The following ACTL7B variants were observed in gnomAD, a reference collection of about 807,000 sequenced individuals.
ACTL7B encodes the protein actin-like protein 7B.
A neutral mutation model predicts 17.5 loss-of-function variants in ACTL7B; 14 were observed. The ratio of observed to expected loss-of-function variants is 0.80; its 90% CI spans 0.53 to 1.25. The LOEUF is 1.25. Among genes scored for constraint, ACTL7B ranks in the 50% most tolerant of loss-of-function variants. The pLI is 0.00. For synonymous variants in ACTL7B, 267 were observed against 252.4 expected (o/e 1.06, Z -0.55); for missense variants, 599 against 573.9 (o/e 1.04, Z -0.45).
Position 108,854,969 on chromosome 9 carries a change from G to A in ACTL7B, c.962C>T (p.Ala321Val). 6.6e-7 allele frequency: 1 copy of A among 1,517,324 alleles called. No homozygotes were observed. Among genetic ancestry groups the A allele is most frequent in the Non-Finnish European group, 8.8e-7 (1 of 1,133,280 alleles). The allele number at this position is 1,517,324 out of a possible 1,614,324, so 94.0% of individuals were successfully genotyped here. A position where few individuals can be genotyped will look rare whatever the true frequency, so the allele number is the denominator to read the frequency against. ...CGTGTCCTGGCAGCGGCCCAGGCAG[G>A]CAGCTGTGAGCTCCGGGAGGCCCGG... ...TQPGLPELTA[A>V]CLGRCQDTGF... Residue 321 changes from alanine (A) to valine (V), a missense_variant, in exon 1 of 1, where the codon GCC becomes GTC. Ala to Val is a moderately conservative substitution (Grantham distance 64). Transcript: ENST00000374667.
At position 108,854,657 on chromosome 9, in the gene ACTL7B, G is replaced by A; in HGVS notation, c.*26C>T. 5 of 1,485,786 alleles carry A rather than the reference G, an allele frequency of 3.4e-6. No homozygotes were observed. Among genetic ancestry groups the A allele is most frequent in the Non-Finnish European group, 4.5e-6 (5 of 1,116,168 alleles). The allele number at this position is 1,485,786 out of a possible 1,614,324, so 92.0% of individuals were successfully genotyped here. ...GAGGCCTGTGGCCATCTGTGCTGGA[G>A]GCCTTGTCTGTGGAAATGCCGAGGC... On this transcript the variant is annotated 3_prime_UTR_variant, in exon 1 of 1. Transcript: ENST00000374667.
chr9:108,855,691 G>C lies in ACTL7B; in HGVS notation c.240C>G (p.Gly80=), dbSNP rs1403952458. ...RPTYFISSTV[G]KRCPEAADAG... is the part of the protein sequence containing the mutation. ...CGTCGGCCGCCTCGGGGCAGCGTTT[G>C]CCCACGGTGGAGGAGATGAAGTAGG... is the stretch of plus-strand genomic sequence containing the variant. The change falls in exon 1 of 1, where the codon GGC becomes GGG. Residue 80 remains glycine, a synonymous_variant. Coordinates refer to ENST00000374667, the MANE Select transcript of ACTL7B (RefSeq NM_006686.4). 1 of 1,611,310 alleles carries C rather than the reference G, an allele frequency of 6.2e-7. No individual in the cohort carries two copies. Among genetic ancestry groups the C allele is most frequent in the African/African-American group, 1.3e-5 (1 of 74,956 alleles).
At position 108,855,665 on chromosome 9, in the gene ACTL7B, G is replaced by A. The variant is rs774235994; in HGVS notation, c.266C>T (p.Ala89Val). Reference protein sequence around the residue: ...VGKRCPEAADAGDTRKWTLVG... With the variant: ...VGKRCPEAADVGDTRKWTLVG... ...TAAAGTCCACTTGCGGGTGTCGCCA[G>A]CGTCGGCCGCCTCGGGGCAGCGTTT... The change falls in exon 1 of 1, where the codon GCT becomes GTT. Residue 89 changes from alanine (A) to valine (V), a missense_variant. By Grantham distance (64) the Ala-to-Val change is moderately conservative. Transcript: ENST00000374667. 6.2e-7 allele frequency: 1 copy of A among 1,612,908 alleles called. No homozygotes were observed. The highest frequency in any genetic ancestry group is 1.1e-5 in the South Asian group (1 of 91,080).
rs764991598 is a variant in ACTL7B at position 108,855,098 on chromosome 9, C to T, written c.833G>A (p.Arg278His). 4.4e-5 allele frequency: 71 copies of T among 1,596,478 alleles called. 2 individuals carry two copies. The highest frequency in any genetic ancestry group is 1.7e-4 in the Middle Eastern group (1 of 5,966). ...GCCGTCCGGGAGCTCGTAGTCCACGCGCAGCTCCTCCGGGACCAGGCCCAG... is the reference window on the plus strand; with the variant it reads ...GCCGTCCGGGAGCTCGTAGTCCACGTGCAGCTCCTCCGGGACCAGGCCCAG... ...EELGLVPEEL[R>H]VDYELPDGKL... Residue 278 changes from arginine to histidine, a missense_variant, in exon 1 of 1, where the codon CGC becomes CAC. Coordinates refer to ENST00000374667, the MANE Select transcript of ACTL7B (RefSeq NM_006686.4).
chr9:108,854,669 G>A lies in ACTL7B; in HGVS notation c.*14C>T, dbSNP rs373627326. On this transcript the variant is annotated 3_prime_UTR_variant, in exon 1 of 1. Transcript: ENST00000374667. ...CATCTGTGCTGGAGGCCTTGTCTGT[G>A]GAAATGCCGAGGCTCAGCACTTGCT... 2.0e-6 allele frequency: 3 copies of A among 1,490,300 alleles called. No individual in the cohort carries two copies. Among genetic ancestry groups the A allele is most frequent in the Non-Finnish European group, 2.7e-6 (3 of 1,118,414 alleles). 92.3% of individuals were successfully genotyped at this position (1,490,300 alleles called of 1,614,324 possible). A position where few individuals can be genotyped will look rare whatever the true frequency, so the allele number is the denominator to read the frequency against.
rs991038734 is a variant in ACTL7B at position 108,855,335 on chromosome 9, C to A, written c.596G>T (p.Ser199Ile). 7 of 1,608,132 alleles carry A rather than the reference C, an allele frequency of 4.4e-6. No homozygotes were observed. In the African/African-American group the frequency reaches 8.0e-5, roughly 18 times the overall value. Residue 199 changes from serine to isoleucine, a missense_variant, in exon 1 of 1, where the codon AGC becomes ATC. Transcript: ENST00000374667. ...YGKTSGLVVE[S>I]GHGVSHVVPI... ...CACCACGTGCGAGACGCCGTGCCCGCTCTCCACCACCAGCCCCGAGGTCTT... is the reference window on the plus strand; with the variant it reads ...CACCACGTGCGAGACGCCGTGCCCGATCTCCACCACCAGCCCCGAGGTCTT...
Position 108,855,649 on chromosome 9 carries a change from C to T in ACTL7B, c.282G>A (p.Lys94=). The T allele has an allele frequency of 6.2e-7, 1 of 1,613,568 alleles. No homozygotes were observed. Among genetic ancestry groups the T allele is most frequent in the Non-Finnish European group, 8.5e-7 (1 of 1,180,048 alleles). ...PEAADAGDTR[K]WTLVGHELLN... is the part of the protein sequence containing the mutation. Reference sequence around the variant, plus strand: ...GCAGCTCATGGCCCACTAAAGTCCACTTGCGGGTGTCGCCAGCGTCGGCCG... The same window carrying T: ...GCAGCTCATGGCCCACTAAAGTCCATTTGCGGGTGTCGCCAGCGTCGGCCG... The change falls in exon 1 of 1, where the codon AAG becomes AAA. Residue 94 remains lysine (K), a synonymous_variant. Coordinates refer to ENST00000374667, the MANE Select transcript of ACTL7B (RefSeq NM_006686.4).
In ACTL7B at chr9:108,855,042, G is replaced by A. The variant is rs114524484; in HGVS notation, c.889C>T (p.Arg297Cys). ...GGCTGGAAGAGCATCTCAGAGCAAC[G>A]GAAGCGCTCCTGGCCAATAGTGATG... ...KLITIGQERF[R>C]CSEMLFQPSL... The change falls in exon 1 of 1, where the codon CGT (arginine) becomes TGT (cysteine). Residue 297 changes from arginine (R) to cysteine (C), a missense_variant. Physicochemically the swap from Arg to Cys is radical, Grantham distance 180 (BLOSUM62 -3). Transcript: ENST00000374667. 2 of 1,530,620 alleles carry A rather than the reference G, an allele frequency of 1.3e-6. No individual in the cohort carries two copies. Among genetic ancestry groups the A allele is most frequent in the East Asian group, 2.3e-5 (1 of 44,020 alleles). 94.8% of individuals were successfully genotyped at this position (1,530,620 alleles called of 1,614,324 possible). A position where few individuals can be genotyped will look rare whatever the true frequency, so the allele number is the denominator to read the frequency against.
rs1444866800 is a variant in ACTL7B, at chr9:108,855,155, C to A, written c.776G>T (p.Cys259Phe). The A allele has an allele frequency of 6.2e-7, 1 of 1,611,004 alleles. No individual in the cohort carries two copies. The highest frequency in any genetic ancestry group is 2.2e-5 in the East Asian group (1 of 44,868). The change falls in exon 1 of 1, where the codon TGC becomes TTC. Residue 259 changes from cysteine to phenylalanine, a missense_variant. By Grantham distance (205) the Cys-to-Phe change is radical (BLOSUM62 -2). Coordinates refer to ENST00000374667, the MANE Select transcript of ACTL7B (RefSeq NM_006686.4). ...LHIIEHIKKK[C>F]CYAAFLPEEE... is the part of the protein sequence containing the mutation. The stretch of plus-strand genomic sequence containing the variant: ...CTCGGGCAGGAAGGCCGCATAGCAG[C>A]ACTTCTTCTTGATGTGCTCTATGAT...
Position 108,855,984 on chromosome 9 carries a change from A to G in ACTL7B, c.-54T>C, listed in dbSNP as rs1827097326. On this transcript the variant is annotated 5_prime_UTR_variant, in exon 1 of 1. Transcript: ENST00000374667. ...CACAGCCTAGAGCCCCCTGGGGAGA[A>G]ATGAGATCCCCCACCTCCAGCAGTG... 6.6e-7 allele frequency: 1 copy of G among 1,514,216 alleles called. No homozygotes were observed. The highest frequency in any genetic ancestry group is 8.8e-7 in the Non-Finnish European group (1 of 1,133,684). The allele number at this position is 1,514,216 out of a possible 1,614,324, so 93.8% of individuals were successfully genotyped here.
rs1476639188 is a variant in ACTL7B, at chr9:108,855,233, A to G, written c.698T>C (p.Leu233Pro). The G allele has an allele frequency of 6.3e-7, 1 of 1,595,292 alleles. No homozygotes were observed. The highest frequency in any genetic ancestry group is 8.5e-7 in the Non-Finnish European group (1 of 1,175,366). Residue 233 changes from leucine (L) to proline (P), a missense_variant, in exon 1 of 1, where the codon CTG (leucine) becomes CCG (proline). By Grantham distance (98) the Leu-to-Pro change is moderately conservative. Transcript: ENST00000374667. ...GCCCGCCTCATTGAGCAGCTGCATC[A>G]GGTAGTTGGTGAGGTCACCCCCAGC... ...DYAGGDLTNY[L>P]MQLLNEAGHA...
chr9:108,854,970 C>T lies in ACTL7B; in HGVS notation c.961G>A (p.Ala321Thr), dbSNP rs1017965847. 15 of 1,517,504 alleles carry T rather than the reference C, an allele frequency of 9.9e-6. No individual in the cohort carries two copies. Among genetic ancestry groups the T allele is most frequent in the Non-Finnish European group, 7.1e-6 (8 of 1,133,474 alleles). The allele number at this position is 1,517,504 out of a possible 1,614,324, so 94.0% of individuals were successfully genotyped here. A position where few individuals can be genotyped will look rare whatever the true frequency, so the allele number is the denominator to read the frequency against. ...GTGTCCTGGCAGCGGCCCAGGCAGGCAGCTGTGAGCTCCGGGAGGCCCGGC... is the reference window on the plus strand; with the variant it reads ...GTGTCCTGGCAGCGGCCCAGGCAGGTAGCTGTGAGCTCCGGGAGGCCCGGC... ...TQPGLPELTA[A>T]CLGRCQDTGF... Residue 321 changes from alanine to threonine, a missense_variant, in exon 1 of 1, where the codon GCC (alanine) becomes ACC (threonine). Transcript: ENST00000374667.
Position 108,855,574 on chromosome 9 carries a change from G to C in ACTL7B, c.357C>G (p.Ile119Met). The change falls in exon 1 of 1, where the codon ATC becomes ATG. Residue 119 changes from isoleucine to methionine, a missense_variant. Coordinates refer to ENST00000374667, the MANE Select transcript of ACTL7B (RefSeq NM_006686.4). ...CCTGCACGCAGTCCCAGTCCACCAC[G>C]ATGCCGTGCTTCAGCGGGTTCACCA... ...LKLVNPLKHG[I>M]VVDWDCVQDI... 2.5e-6 allele frequency: 4 copies of C among 1,613,808 alleles called. No individual in the cohort carries two copies. Among genetic ancestry groups the C allele is most frequent in the Non-Finnish European group, 3.4e-6 (4 of 1,180,032 alleles).
chr9:108,855,927 C>T lies in ACTL7B; in HGVS notation c.4G>A (p.Ala2Thr). 1 of 1,570,520 alleles carries T rather than the reference C, an allele frequency of 6.4e-7. No homozygotes were observed. Among genetic ancestry groups the T allele is most frequent in the Non-Finnish European group, 8.6e-7 (1 of 1,161,252 alleles). The change falls in exon 1 of 1, where the codon GCG becomes ACG. Residue 2 changes from alanine to threonine, a missense_variant. Transcript: ENST00000374667. ...AGGGGCATGGGGCTGTTCCTTGTCG[C>T]CATCTGCCTCCCTTGCTCCCCTTCT... The part of the protein sequence containing the change: M[A>T]TRNSPMPLGT...
chr9:108,854,648 T>G lies in ACTL7B; in HGVS notation c.*35A>C. ...GTGTATAGAGAGGCCTGTGGCCATC[T>G]GTGCTGGAGGCCTTGTCTGTGGAAA... On this transcript the variant is annotated 3_prime_UTR_variant, in exon 1 of 1. Coordinates refer to ENST00000374667, the MANE Select transcript of ACTL7B (RefSeq NM_006686.4). The G allele has an allele frequency of 6.9e-7, 1 of 1,445,514 alleles. No homozygotes were observed. Among genetic ancestry groups the G allele is most frequent in the Non-Finnish European group, 9.1e-7 (1 of 1,094,776 alleles). 89.5% of individuals were successfully genotyped at this position (1,445,514 alleles called of 1,614,324 possible). A position where few individuals can be genotyped will look rare whatever the true frequency, so the allele number is the denominator to read the frequency against.
chr9:108,855,164 T>C lies in ACTL7B; in HGVS notation c.767A>G (p.Lys256Arg), dbSNP rs764691236. The C allele has an allele frequency of 3.7e-6, 6 of 1,610,176 alleles. No individual in the cohort carries two copies. The Admixed American group carries it at 1.0e-4, about 27-fold the overall frequency. ...DDHLHIIEHI[K>R]KKCCYAAFLP... is the part of the protein sequence containing the mutation. ...GAAGGCCGCATAGCAGCACTTCTTC[T>C]TGATGTGCTCTATGATGTGCAGGTG... Residue 256 changes from lysine (K) to arginine (R), a missense_variant, in exon 1 of 1, where the codon AAG becomes AGG. Lys to Arg is a conservative substitution (Grantham distance 26). Transcript: ENST00000374667.
At position 108,855,925 on chromosome 9, in the gene ACTL7B, C is replaced by T. The variant is rs776130219; in HGVS notation, c.6G>A (p.Ala2=). The change falls in exon 1 of 1, where the codon GCG becomes GCA. Residue 2 remains alanine (A), a synonymous_variant. Coordinates refer to ENST00000374667, the MANE Select transcript of ACTL7B (RefSeq NM_006686.4). The stretch of plus-strand genomic sequence containing the variant: ...CCAGGGGCATGGGGCTGTTCCTTGT[C>T]GCCATCTGCCTCCCTTGCTCCCCTT... M[A]TRNSPMPLGT... is the part of the protein sequence containing the mutation. The T allele has an allele frequency of 4.8e-5, 76 of 1,572,308 alleles. No individual in the cohort carries two copies. Among genetic ancestry groups the T allele is most frequent in the South Asian group, 2.2e-4 (18 of 83,216 alleles).
Position 108,855,822 on chromosome 9 carries a change from T to C in ACTL7B, c.109A>G (p.Thr37Ala). 2 of 1,611,356 alleles carry C rather than the reference T, an allele frequency of 1.2e-6. No homozygotes were observed. Among genetic ancestry groups the C allele is most frequent in the Admixed American group, 1.7e-5 (1 of 60,026 alleles). Reference protein sequence around the residue: ...DASLRDTGAATQLKMKPRKVH... With the variant: ...DASLRDTGAAAQLKMKPRKVH... ...TTCCTGGGCTTCATCTTGAGCTGAG[T>C]GGCCGCACCTGTGTCCCGGAGGCTG... is the stretch of plus-strand genomic sequence containing the variant. Residue 37 changes from threonine to alanine, a missense_variant, in exon 1 of 1, where the codon ACT (threonine) becomes GCT (alanine). Physicochemically the swap from Thr to Ala is moderately conservative, Grantham distance 58 (BLOSUM62 0). Coordinates refer to ENST00000374667, the MANE Select transcript of ACTL7B (RefSeq NM_006686.4).
At position 108,854,957 on chromosome 9, in the gene ACTL7B, C is replaced by A. The variant is rs756507402; in HGVS notation, c.974G>T (p.Arg325Leu). The A allele has an allele frequency of 2.0e-6, 3 of 1,516,216 alleles. No homozygotes were observed. Among genetic ancestry groups the A allele is most frequent in the Non-Finnish European group, 2.6e-6 (3 of 1,132,558 alleles). 93.9% of individuals were successfully genotyped at this position (1,516,216 alleles called of 1,614,324 possible). A position where few individuals can be genotyped will look rare whatever the true frequency, so the allele number is the denominator to read the frequency against. Residue 325 changes from arginine to leucine, a missense_variant, in exon 1 of 1, where the codon CGC becomes CTC. Arg to Leu is a moderately radical substitution (Grantham distance 102, BLOSUM62 -2). Transcript: ENST00000374667. ...LPELTAACLG[R>L]CQDTGFKEEM... The stretch of plus-strand genomic sequence containing the variant: ...CTCCTTGAAGCCCGTGTCCTGGCAG[C>A]GGCCCAGGCAGGCAGCTGTGAGCTC...
Sources: gnomAD v4.1 joint callset for allele counts on GRCh38, gnomAD v4.1.1 for gene constraint, MANE v1.5 for transcripts, NCBI Gene and HGNC (gene_info 2026-07-23, HGNC 2026-07-21) for gene names.